The following CLNK variants were observed in gnomAD, a reference collection of about 807,000 sequenced individuals.
The protein encoded by CLNK is cytokine-dependent hematopoietic cell linker.
Under a neutral mutation model 68.6 loss-of-function variants are expected in CLNK, and 74 were observed. The observed-to-expected ratio is 1.08, with a 90% CI of 0.89 to 1.31. The LOEUF (loss-of-function observed/expected upper bound fraction) is 1.31. Ranked by LOEUF, CLNK falls within the 50% of genes most tolerant of loss-of-function variation. CLNK has a pLI of 0.00. For synonymous variants in CLNK, 198 were observed against 172.2 expected, an observed-to-expected ratio of 1.15 and a Z score of -1.17; for missense variants, 553 against 515.3, an observed-to-expected ratio of 1.07 and a Z score of -0.71.
chr4:10,556,502 C>T (rs995822895), intron 8 of CLNK, among the ~76,000 whole-genome samples: 3 of 152,054 alleles, frequency 2.0e-5, no homozygotes, highest in Non-Finnish European at 2.9e-5. Flanking sequence ...GAATAATGGT[C>T]GAAGAAATTT....
upstream of CLNK, among the ~76,000 whole-genome samples, chr4:10,689,745 ATTTTTT>A: frequency 1.0e-5 from 1 of 100,084 alleles, no homozygotes; most frequent in South Asian, 3.5e-4. Context: ...AAACCCATGC[ATTTTTT>A]TTTTTTTTTT....
intron 2 of CLNK, 114 bp downstream of exon 2, chr4:10,667,745 C>A: frequency 1.1e-6 from 1 of 940,752 alleles, no homozygotes; most frequent in Non-Finnish European, 1.5e-6. Context: ...TCAGGAAATC[C>A]CTTTTCCATG....
chr4:10,497,562 G>T (rs1254344447), intron 18 of CLNK, among the ~76,000 whole-genome samples: 1 of 152,230 alleles, frequency 6.6e-6, no homozygotes, highest in Middle Eastern at 3.2e-3. Context: ...GCCTGCCATA[G>T]GAGATGCTCC....
intron 2 of CLNK, among the ~76,000 whole-genome samples, chr4:10,625,910 G>A (rs956001505): frequency 6.6e-6 from 1 of 152,246 alleles, no homozygotes; most frequent in Admixed American, 6.5e-5. Flanking sequence ...ACTAGGGAAG[G>A]AAGCCAATGT....
chr4:10,668,713 C>G (rs1009954282), intron 1 of CLNK, among the ~76,000 whole-genome samples: 3 of 152,188 alleles, frequency 2.0e-5, no homozygotes, highest in African/African-American at 4.8e-5. Context: ...CACTGGGACA[C>G]AGAGACAGGT....
chr4:10,555,852 G>A (rs1351737640), intron 8 of CLNK, among the ~76,000 whole-genome samples: 1 of 152,112 alleles, frequency 6.6e-6, no homozygotes, highest in Non-Finnish European at 1.5e-5. Context: ...AAATGGGGGG[G>A]GCATTCATAT....
chr4:10,684,477 A>G (rs1436253789), intron 1 of CLNK, among the ~76,000 whole-genome samples, 191 bp downstream of exon 1: 1 of 152,216 alleles, frequency 6.6e-6, no homozygotes, highest in Non-Finnish European at 1.5e-5. Flanking sequence ...TCTTTCTCCC[A>G]AAAGAATGAA....
chr4:10,612,301 C>T (rs748302040), intron 2 of CLNK, among the ~76,000 whole-genome samples: 2 of 152,248 alleles, frequency 1.3e-5, no homozygotes, highest in Non-Finnish European at 2.9e-5. Flanking sequence ...GTCTGCCCAA[C>T]ATCATGGTCC....
In CLNK at chr4:10,620,449, C is replaced by G. The variant is rs560917245; in HGVS notation, c.12-22400G>C. On this transcript the variant is annotated intron_variant, in intron 2 of 18. Transcript: ENST00000226951. ...GTCAAACAATCGTCACTGATTTTAT[C>G]TAAGCCACTCAGTAGGACTCCCTCT... 7.6e-4 allele frequency among the ~76,000 whole-genome samples: 116 copies of G among 152,340 alleles called. No homozygotes were observed. In the South Asian group the frequency reaches 0.011, roughly 14 times the overall value.
At position 10,520,478 on chromosome 4, in the gene CLNK, GAT is replaced by G. The variant is rs368385156; in HGVS notation, c.772+311_772+312del. On this transcript the variant is annotated intron_variant, in intron 15 of 18. Transcript: ENST00000226951. ...AAAACACATCTAGGGCAGTTGAAGAGATGTGCATATCCTAAGACAGAGCAATT... is the reference window on the plus strand; with the variant it reads ...AAAACACATCTAGGGCAGTTGAAGAGGTGCATATCCTAAGACAGAGCAATT... Among the ~76,000 whole-genome samples, 316 of 152,346 alleles carry G rather than the reference GAT, an allele frequency of 2.1e-3. 2 individuals carry two copies. The highest frequency in any genetic ancestry group is 7.2e-3 in the African/African-American group (300 of 41,590).
the CLNK span, among the ~76,000 whole-genome samples, chr4:10,702,642 C>T: frequency 5.5e-4 from 83 of 152,260 alleles, no homozygotes; most frequent in African/African-American, 1.9e-3. Flanking sequence ...GAGGTAGTCG[C>T]GCAGTCCAAG....
intron 15 of CLNK, among the ~76,000 whole-genome samples, chr4:10,517,656 C>T (rs548968335): frequency 4.3e-4 from 65 of 152,296 alleles, no homozygotes; most frequent in African/African-American, 1.4e-3. Context: ...TATTTCCTAT[C>T]ACTTAGATGG....
chr4:10,554,175 C>T (rs1245561303), intron 8 of CLNK, among the ~76,000 whole-genome samples: 1 of 152,160 alleles, frequency 6.6e-6, no homozygotes, highest in African/African-American at 2.4e-5. Flanking sequence ...TCTGAAGAAC[C>T]CCTCCATCCA....
At chr4:10,687,216 A>AC (rs1725302789), upstream of CLNK, among the ~76,000 whole-genome samples, 1 of 152,030 alleles carries the variant, frequency 6.6e-6, no homozygotes, top group South Asian at 2.1e-4. Context: ...AAAAAAAAAA[A>AC]AACTTGTCCC....
chr4:10,545,031 C>T (rs923915264), intron 8 of CLNK, among the ~76,000 whole-genome samples: 7 of 152,160 alleles, frequency 4.6e-5, no homozygotes, highest in African/African-American at 1.7e-4. Context: ...TTAAAGGTCT[C>T]ACCTCTCAAT....
chr4:10,715,041 A>G, the CLNK span, among the ~76,000 whole-genome samples: 1 of 151,662 alleles, frequency 6.6e-6, no homozygotes, highest in East Asian at 1.9e-4. Context: ...ACTATATTTT[A>G]TTTTTTAAGG....
At chr4:10,637,508 G>A (rs1723137733) in intron 2 of CLNK, among the ~76,000 whole-genome samples, 1 of 133,760 alleles carries the variant, frequency 7.5e-6, no homozygotes, top group African/African-American at 2.8e-5. Context: ...ATGTTTTGGA[G>A]CAAAACATTA....
Position 10,490,445 on chromosome 4 carries a change from C to A in CLNK, c.*22G>T. On this transcript the variant is annotated 3_prime_UTR_variant, in exon 19 of 19. Coordinates refer to ENST00000226951, the MANE Select transcript of CLNK (RefSeq NM_052964.4). Reference sequence around the variant, plus strand: ...AATGGAAGCGCTGAATCCAGTAAACCAAAGATAACACAAAGACCAGGCTAC... The same window carrying A: ...AATGGAAGCGCTGAATCCAGTAAACAAAAGATAACACAAAGACCAGGCTAC... 6.2e-7 allele frequency: 1 copy of A among 1,607,960 alleles called. No homozygotes were observed.
At chr4:10,570,878 C>T (rs1720317420) in intron 5 of CLNK, among the ~76,000 whole-genome samples, 5 of 152,008 alleles carry the variant, frequency 3.3e-5, no homozygotes, top group South Asian at 4.1e-4. Flanking sequence ...TATCAAGATG[C>T]AGTTACTTTT....
Sources: allele counts gnomAD v4.1 joint callset (sites outside exome capture counted in the v4.1 genomes callset), GRCh38; gene constraint gnomAD v4.1.1; transcripts MANE v1.5; gene names NCBI Gene and HGNC (gene_info 2026-07-23, HGNC 2026-07-21).